The following UNC13A variants were observed in gnomAD, a reference collection of about 807,000 sequenced individuals.
The protein encoded by UNC13A is unc-13 homolog A.
UNC13A carries 61 observed loss-of-function variants against 219.7 expected under a neutral mutation model. The ratio of observed to expected loss-of-function variants is 0.28; its 90% CI spans 0.23 to 0.34. The LOEUF is 0.34. Ranked by LOEUF, UNC13A falls within the 10% of genes least tolerant of loss-of-function variation. The probability of loss-of-function intolerance (pLI) is 1.00; values close to 1 mark genes in which losing one functional copy is unlikely to be tolerated. For missense variants in UNC13A, 1,476 were observed against 2,270.3 expected, an observed-to-expected ratio of 0.65 and a Z score of 7.11; for synonymous variants, 920 against 884.6, an observed-to-expected ratio of 1.04 and a Z score of -0.71.
chr19:17,633,760 TTCAC>T (rs1056675159), intron 26 of UNC13A, among the ~76,000 whole-genome samples: 2 of 151,814 alleles, frequency 1.3e-5, no homozygotes, highest in African/African-American at 4.8e-5. Flanking sequence ...CATCCACTCA[TTCAC>T]TCATTCATCC....
At chr19:17,618,244 T>A (rs2076689459) in intron 40 of UNC13A, among the ~76,000 whole-genome samples, 177 bp downstream of exon 40, 1 of 152,218 alleles carries the variant, frequency 6.6e-6, no homozygotes, top group Admixed American at 6.5e-5. Context: ...TTCCCCGACC[T>A]GGGGCTCCTT....
At chr19:17,640,882 T>TTC (rs202027767) in intron 21 of UNC13A, among the ~76,000 whole-genome samples, 49 of 69,002 alleles carry the variant, frequency 7.1e-4, no homozygotes, top group African/African-American at 1.9e-3. Context: ...CTTTCTTTCT[T>TTC]TTTTTTTTTT....
At position 17,627,677 on chromosome 19, in the gene UNC13A, A is replaced by G; in HGVS notation, c.3832-80T>C. ...GGCATTTTCTCATCTGACCCAGGGAAAGGGATCCCAAGGGGCTGCAGGGGA... is the reference window on the plus strand; with the variant it reads ...GGCATTTTCTCATCTGACCCAGGGAGAGGGATCCCAAGGGGCTGCAGGGGA... On this transcript the variant is annotated intron_variant, in intron 32 of 43. Transcript: ENST00000519716. The surrounding 1 kb of genome is among the most constrained non-coding windows in gnomAD (Gnocchi z 4.7). 1.3e-5 allele frequency: 17 copies of G among 1,297,180 alleles called. No individual in the cohort carries two copies. The highest frequency in any genetic ancestry group is 1.7e-5 in the Non-Finnish European group (16 of 918,758). The allele number at this position is 1,297,180 out of a possible 1,614,324, so 80.4% of individuals were successfully genotyped here. A position where few individuals can be genotyped will look rare whatever the true frequency, so the allele number is the denominator to read the frequency against.
At chr19:17,653,821 CTTTTTTTTT>C (rs57243215) in intron 11 of UNC13A, among the ~76,000 whole-genome samples, 32 of 78,254 alleles carry the variant, frequency 4.1e-4, no homozygotes, top group Non-Finnish European at 4.9e-4. Context: ...TATCACTTCT[CTTTTTTTTT>C]TTTTTTTTTT....
At chr19:17,616,419 T>G (rs993235255) in intron 41 of UNC13A, 1 of 671,416 alleles carries the variant, frequency 1.5e-6, no homozygotes, top group Non-Finnish European at 2.7e-6. Flanking sequence ...CTTCTCAGGA[T>G]AAATGTCTTC....
chr19:17,646,240 A>G, intron 17 of UNC13A, 129 bp from the exon 18 acceptor site: 2 of 1,288,492 alleles, frequency 1.6e-6, no homozygotes, highest in Non-Finnish European at 2.1e-6. Flanking sequence ...ATGGCAGGGC[A>G]CGCTGGGCTT....
chr19:17,613,487 G>A (rs1214235150), intron 41 of UNC13A, among the ~76,000 whole-genome samples: 4 of 151,918 alleles, frequency 2.6e-5, no homozygotes, highest in Non-Finnish European at 1.5e-5. Flanking sequence ...TTTGTGACCT[G>A]CAACACCCCT....
In UNC13A at chr19:17,670,047, C is replaced by T. The variant is rs529497353; in HGVS notation, c.271-371G>A. 3.9e-3 allele frequency among the ~76,000 whole-genome samples: 587 copies of T among 149,140 alleles called. 6 individuals are homozygous for T. Among genetic ancestry groups the T allele is most frequent in the African/African-American group, 0.013 (513 of 40,564 alleles). On this transcript the variant is annotated intron_variant, in intron 4 of 43. Transcript: ENST00000519716. ...CTGCAAGCTCTGCCTCCTGGGTTCACGCCATTCTCCTGCCTCAGCTTCCCG... is the reference window on the plus strand; with the variant it reads ...CTGCAAGCTCTGCCTCCTGGGTTCATGCCATTCTCCTGCCTCAGCTTCCCG...
At chr19:17,637,409 T>A (rs867362939) in intron 25 of UNC13A, among the ~76,000 whole-genome samples, 29 of 152,000 alleles carry the variant, frequency 1.9e-4, no homozygotes, top group African/African-American at 3.4e-4. Context: ...ACCATTCTCC[T>A]GCCTCAGCCT....
In UNC13A at chr19:17,610,119, G is replaced by A. The variant is rs928017089; in HGVS notation, c.4652-20C>T. 6.2e-7 allele frequency: 1 copy of A among 1,613,582 alleles called. No individual in the cohort carries two copies. Among genetic ancestry groups the A allele is most frequent in the Non-Finnish European group, 8.5e-7 (1 of 1,179,562 alleles). ...CCACCACTGTTGGAGGAAGTAGAGG[G>A]TAAGACAGGTCAGGTTCTCCCAGTT... On this transcript the variant is annotated intron_variant, in intron 42 of 43. Transcript: ENST00000519716.
chr19:17,673,847 C>A (rs1244463251), intron 3 of UNC13A, among the ~76,000 whole-genome samples: 1 of 152,044 alleles, frequency 6.6e-6, no homozygotes, highest in African/African-American at 2.4e-5. Context: ...ACCATCTCTA[C>A]TTAAAACACA....
intron 1 of UNC13A, among the ~76,000 whole-genome samples, chr19:17,685,539 A>G (rs2080091404): frequency 6.6e-6 from 1 of 152,142 alleles, no homozygotes; most frequent in Non-Finnish European, 1.5e-5. Context: ...TATTGTGAGC[A>G]TTCATCAGAC....
intron 3 of UNC13A, among the ~76,000 whole-genome samples, chr19:17,673,731 C>T (rs187907007): frequency 6.7e-5 from 10 of 150,076 alleles, no homozygotes; most frequent in Middle Eastern, 3.6e-3. Flanking sequence ...ATTCCATTGG[C>T]CAGGCATGGT....
At chr19:17,666,909 AG>A (rs1568268261) in intron 6 of UNC13A, among the ~76,000 whole-genome samples, 2,849 of 144,176 alleles carry the variant, frequency 0.02, 65 homozygotes, top group African/African-American at 0.055. Flanking sequence ...AGAGAGAGAG[AG>A]AAAGACAGAG....
intron 6 of UNC13A, among the ~76,000 whole-genome samples, chr19:17,667,737 A>T (rs1008275718): frequency 6.7e-5 from 10 of 149,968 alleles, no homozygotes; most frequent in South Asian, 4.2e-4. Context: ...AGCCTCCCAA[A>T]TTGCTGGGAT....
intron 36 of UNC13A, chr19:17,623,237 G>A (rs1263658109): frequency 2.5e-6 from 1 of 402,914 alleles, no homozygotes; most frequent in African/African-American, 2.1e-5. Context: ...GAGCAAGGTT[G>A]GATTCTACCC....
intron 1 of UNC13A, among the ~76,000 whole-genome samples, chr19:17,677,148 T>A (rs1375113809): frequency 6.6e-6 from 1 of 151,992 alleles, no homozygotes; most frequent in Non-Finnish European, 1.5e-5. Context: ...GGTCCAGTCT[T>A]CTCACATTTC....
In UNC13A at chr19:17,632,873, A is replaced by G; in HGVS notation, c.3337T>C (p.Tyr1113His). 1 of 1,613,984 alleles carries G rather than the reference A, an allele frequency of 6.2e-7. No individual in the cohort carries two copies. The highest frequency in any genetic ancestry group is 1.1e-5 in the South Asian group (1 of 91,086). The change falls in exon 28 of 44, where the codon TAC becomes CAC. Residue 1113 changes from tyrosine to histidine, a missense_variant. Around this residue, in one of 14 missense-constraint regions of UNC13A, gnomAD observed 218 missense variants for 409.4 expected, o/e 0.53. Coordinates refer to ENST00000519716, the MANE Select transcript of UNC13A (RefSeq NM_001080421.3). Reference sequence around the variant, plus strand: ...TTCACCTTGAAGTGGAGGTTCATGTAGTCGGCACTCTTGCATAGACGATGC... The same window carrying G: ...TTCACCTTGAAGTGGAGGTTCATGTGGTCGGCACTCTTGCATAGACGATGC... ...DKHRLCKSAD[Y>H]MNLHFKVKWL...
At chr19:17,683,581 T>C (rs1288347327) in intron 1 of UNC13A, among the ~76,000 whole-genome samples, 122 of 150,424 alleles carry the variant, frequency 8.1e-4, no homozygotes, top group African/African-American at 2.9e-3. Context: ...TCGCTTGAAC[T>C]TGGAAGGTGG....
Sources: allele counts gnomAD v4.1 joint callset (sites outside exome capture counted in the v4.1 genomes callset), GRCh38; gene constraint gnomAD v4.1.1; regional missense constraint gnomAD v4.1.1; non-coding constraint Gnocchi (gnomAD v3.1); transcripts MANE v1.5; gene names NCBI Gene and HGNC (gene_info 2026-07-23, HGNC 2026-07-21).